The following ADGRL2 variants were observed in gnomAD, a reference collection of about 807,000 sequenced individuals.
The protein encoded by ADGRL2 is adhesion G protein-coupled receptor L2.
In ADGRL2, 44 loss-of-function variants were observed where a neutral mutation model predicts 157.4. That is an observed-to-expected ratio of 0.28 (90% CI 0.22 to 0.36). ADGRL2 has a LOEUF of 0.36. Among genes scored for constraint, ADGRL2 ranks in the 10% least tolerant of loss-of-function variants. ADGRL2 has a pLI of 1.00. For synonymous variants in ADGRL2, 585 were observed against 624.7 expected, an observed-to-expected ratio of 0.94 and a Z score of 0.95; for missense variants, 1,510 against 1,768.9, an observed-to-expected ratio of 0.85 and a Z score of 2.63.
At chr1:81,864,940 C>T (rs934834884) in intron 2 of ADGRL2, among the ~76,000 whole-genome samples, 26 of 152,126 alleles carry the variant, frequency 1.7e-4, no homozygotes, top group African/African-American at 5.6e-4. Context: ...GAGCCAAGAT[C>T]GCACCACTAC....
chr1:81,865,504 A>G (rs1451898041), intron 2 of ADGRL2, among the ~76,000 whole-genome samples: 1 of 152,208 alleles, frequency 6.6e-6, no homozygotes, highest in Admixed American at 6.5e-5. Flanking sequence ...TGAGGAGCCT[A>G]CCTATTCTAG....
chr1:81,692,549 A>G (rs1364879923), intron 3 of ADGRL2, among the ~76,000 whole-genome samples: 2 of 152,220 alleles, frequency 1.3e-5, no homozygotes, highest in African/African-American at 4.8e-5. Flanking sequence ...AGCAAGCAAG[A>G]CACAAGTAGG....
chr1:81,530,967 C>T (rs2079583611), intron 2 of ADGRL2, among the ~76,000 whole-genome samples: 1 of 151,592 alleles, frequency 6.6e-6, no homozygotes, highest in Non-Finnish European at 1.5e-5. Context: ...ACCTGTAGTC[C>T]TAGCTACTTG....
intron 1 of ADGRL2, among the ~76,000 whole-genome samples, chr1:81,373,833 G>A (rs957498963): frequency 5.3e-5 from 8 of 152,094 alleles, no homozygotes; most frequent in South Asian, 2.1e-4. Context: ...ATTCAAAACC[G>A]GGAAAAAAGC....
chr1:81,419,408 A>G (rs2077088425), intron 1 of ADGRL2, among the ~76,000 whole-genome samples: 2 of 152,216 alleles, frequency 1.3e-5, no homozygotes, highest in South Asian at 4.1e-4. Context: ...GGGTTTCACC[A>G]TGTTGCCCAG....
chr1:81,873,766 C>A (rs553835511), intron 2 of ADGRL2, among the ~76,000 whole-genome samples: 2 of 152,174 alleles, frequency 1.3e-5, no homozygotes, highest in East Asian at 3.9e-4. Context: ...CTTAGTCCCA[C>A]CCTGCATATG....
At chr1:81,758,564 T>C (rs996864131) in intron 1 of ADGRL2, among the ~76,000 whole-genome samples, 8 of 152,232 alleles carry the variant, frequency 5.3e-5, no homozygotes, top group African/African-American at 1.9e-4. Context: ...GTTTCCATAC[T>C]AACATAAAGC....
chr1:81,638,395 T>C (rs2082153660), intron 3 of ADGRL2, among the ~76,000 whole-genome samples: 3 of 152,236 alleles, frequency 2.0e-5, no homozygotes, highest in Admixed American at 2.0e-4. Flanking sequence ...ATTTTTCTTA[T>C]TCTTAATTGA....
chr1:81,422,252 A>AT (rs1232899300), intron 1 of ADGRL2, among the ~76,000 whole-genome samples: 76 of 150,190 alleles, frequency 5.1e-4, no homozygotes, highest in East Asian at 3.7e-3. Context: ...CATACAAACA[A>AT]TTTTTTTTTT....
At chr1:81,356,971 A>AAAAAGAAG (rs80327519) in intron 1 of ADGRL2, among the ~76,000 whole-genome samples, 13 of 99,298 alleles carry the variant, frequency 1.3e-4, no homozygotes, top group African/African-American at 3.2e-4. Flanking sequence ...AAAAAAAAAA[A>AAAAAGAAG]AAGAAGTTGT....
At chr1:81,763,628 T>TA (rs1330131581) in intron 2 of ADGRL2, among the ~76,000 whole-genome samples, 1 of 149,866 alleles carries the variant, frequency 6.7e-6, no homozygotes, top group Non-Finnish European at 1.5e-5. Flanking sequence ...CTCACGCCTG[T>TA]AATCCCAGCA....
At chr1:81,794,050 T>G (rs1483243931) in intron 2 of ADGRL2, among the ~76,000 whole-genome samples, 1 of 152,156 alleles carries the variant, frequency 6.6e-6, no homozygotes, top group Non-Finnish European at 1.5e-5. Context: ...AAAATTGTTT[T>G]TATGTTATAT....
In ADGRL2 at chr1:81,336,800, C is replaced by G. The variant is rs1661672560; in HGVS notation, c.-302+30291C>G. On this transcript the variant is annotated intron_variant, in intron 1 of 24. Transcript: ENST00000370721. The stretch of plus-strand genomic sequence containing the variant: ...CCACCCTCGAGCCTGGACAAGTGGC[C>G]CAAAGTGAGAACTTTACCTCCCCGT... Among the ~76,000 whole-genome samples, 3 of 152,050 alleles carry G rather than the reference C, an allele frequency of 2.0e-5. No homozygotes were observed. In the South Asian group the frequency reaches 6.2e-4, roughly 32 times the overall value.
At chr1:81,320,344 T>C (rs1660416373) in intron 1 of ADGRL2, among the ~76,000 whole-genome samples, 1 of 152,256 alleles carries the variant, frequency 6.6e-6, no homozygotes, top group Admixed American at 6.5e-5. Context: ...CCTGTTAATG[T>C]TGCCATTTTG....
chr1:81,602,732 CT>C (rs2081357350), intron 3 of ADGRL2, among the ~76,000 whole-genome samples: 1 of 151,946 alleles, frequency 6.6e-6, no homozygotes, highest in Non-Finnish European at 1.5e-5. Flanking sequence ...AACCCTATCC[CT>C]ACTAAGAATA....
At chr1:81,495,998 T>C (rs1397947469) in intron 2 of ADGRL2, among the ~76,000 whole-genome samples, 1 of 152,114 alleles carries the variant, frequency 6.6e-6, no homozygotes, top group Non-Finnish European at 1.5e-5. Flanking sequence ...TTACCAAATA[T>C]GCAAACACCT....
intron 2 of ADGRL2, among the ~76,000 whole-genome samples, chr1:81,770,588 C>T (rs1158619728): frequency 6.6e-6 from 1 of 152,136 alleles, no homozygotes; most frequent in African/African-American, 2.4e-5. Context: ...ATTCTCCTGC[C>T]TCAGGCTCCC....
At chr1:81,659,575 C>T (rs184594668) in intron 3 of ADGRL2, among the ~76,000 whole-genome samples, 70 of 152,272 alleles carry the variant, frequency 4.6e-4, no homozygotes, top group African/African-American at 1.7e-3. Flanking sequence ...CCAGAGAACG[C>T]ATTCATTTAA....
intron 2 of ADGRL2, among the ~76,000 whole-genome samples, chr1:81,901,469 G>A (rs577222627): frequency 6.6e-6 from 1 of 151,992 alleles, no homozygotes; most frequent in South Asian, 2.1e-4. Flanking sequence ...AGTAGGTCTG[G>A]GATAGAGCTT....
Sources: allele counts gnomAD v4.1 joint callset (sites outside exome capture counted in the v4.1 genomes callset), GRCh38; gene constraint gnomAD v4.1.1; transcripts MANE v1.5; gene names NCBI Gene and HGNC (gene_info 2026-07-23, HGNC 2026-07-21).